CD81: variants seen among roughly 807,000 people sequenced by gnomAD.
The protein encoded by CD81 is CD81 antigen.
Under a neutral mutation model 30.1 loss-of-function variants are expected in CD81, and 10 were observed. That is an observed-to-expected ratio of 0.33 (90% confidence interval 0.21 to 0.56). The LOEUF (loss-of-function observed/expected upper bound fraction) is 0.56. Among genes scored for constraint, CD81 ranks in the 20% least tolerant of loss-of-function variants. The pLI, the probability that CD81 is intolerant of heterozygous loss-of-function variation, is 0.89. For missense variants in CD81, 263 were observed against 308.7 expected, an observed-to-expected ratio of 0.85 and a Z score of 1.11; for synonymous variants, 147 against 126.4, an observed-to-expected ratio of 1.16 and a Z score of -1.10.
At chr11:2,390,589 C>T in intron 2 of CD81, 63 bp downstream of exon 2, 1 of 1,174,234 alleles carries the variant, frequency 8.5e-7, no homozygotes, top group Middle Eastern at 1.9e-4. Flanking sequence ...CAGGTCCTAG[C>T]CTTTTGGATG....
At position 2,396,686 on chromosome 11, in the gene CD81, T is replaced by G. The variant is rs1203104251; in HGVS notation, c.620T>G (p.Ile207Ser). ...LFSGKLYLIG[I>S]AAIVVAVIMI... ...TCCGGGAAGCTGTACCTCATCGGCA[T>G]TGCTGCCATCGTGGTCGCTGTGATC... The change falls in exon 7 of 8, where the codon ATT becomes AGT. Residue 207 changes from isoleucine to serine, a missense_variant. By Grantham distance (142) the Ile-to-Ser change is moderately radical. Coordinates refer to ENST00000263645, the MANE Select transcript of CD81 (RefSeq NM_004356.4). 1 of 1,611,826 alleles carries G rather than the reference T, an allele frequency of 6.2e-7. No individual in the cohort carries two copies. Among genetic ancestry groups the G allele is most frequent in the Admixed American group, 1.7e-5 (1 of 60,012 alleles).
Position 2,378,711 on chromosome 11 carries a change from C to T in CD81, c.66+1096C>T, listed in dbSNP as rs956585530. On this transcript the variant is annotated intron_variant, in intron 1 of 7. Coordinates refer to ENST00000263645, the MANE Select transcript of CD81 (RefSeq NM_004356.4). This position sits in a 1 kb window ranked among gnomAD's most constrained non-coding sequence, Gnocchi z 4.9. ...CCTGGGCATAGACTGCAAGCCCCTC[C>T]CCGTGCCCCCCAGGCTGTCACCCCC... Among the ~76,000 whole-genome samples, 61 of 152,336 alleles carry T rather than the reference C, an allele frequency of 4.0e-4. No homozygotes were observed. Among genetic ancestry groups the T allele is most frequent in the African/African-American group, 1.3e-3 (55 of 41,582 alleles).
Position 2,397,024 on chromosome 11 carries a change from T to G in CD81, c.*158T>G. On this transcript the variant is annotated 3_prime_UTR_variant, in exon 8 of 8. Coordinates refer to ENST00000263645, the MANE Select transcript of CD81 (RefSeq NM_004356.4). ...GGGGTTTTGTTTTTGTTCTGAACTTTCCTGTTACCTTTTCAGGGCTGACGT... is the reference window on the plus strand; with the variant it reads ...GGGGTTTTGTTTTTGTTCTGAACTTGCCTGTTACCTTTTCAGGGCTGACGT... 1 of 730,664 alleles carries G rather than the reference T, an allele frequency of 1.4e-6. No individual in the cohort carries two copies. Among genetic ancestry groups the G allele is most frequent in the Non-Finnish European group, 2.4e-6 (1 of 425,058 alleles). The allele number at this position is 730,664 out of a possible 1,614,324, so 45.3% of individuals were successfully genotyped here.
At chr11:2,389,920 C>T (rs1374380006) in intron 1 of CD81, among the ~76,000 whole-genome samples, 6 of 152,132 alleles carry the variant, frequency 3.9e-5, no homozygotes, top group Non-Finnish European at 8.8e-5. Flanking sequence ...ACTCTTGGGG[C>T]GCTGCCACAC....
At position 2,396,891 on chromosome 11, in the gene CD81, A is replaced by G; in HGVS notation, c.*25A>G. On this transcript the variant is annotated 3_prime_UTR_variant, in exon 8 of 8. Coordinates refer to ENST00000263645, the MANE Select transcript of CD81 (RefSeq NM_004356.4). ...AGGCCCCGCAGCTCTGGCCACAGGG[A>G]CCTCTGCAGTGCCCCCTAAGTGACC... The G allele has an allele frequency of 1.2e-6, 2 of 1,609,778 alleles. No individual in the cohort carries two copies. Among genetic ancestry groups the G allele is most frequent in the Non-Finnish European group, 1.7e-6 (2 of 1,178,056 alleles).
intron 1 of CD81, among the ~76,000 whole-genome samples, chr11:2,388,362 G>A (rs1420917424): frequency 3.3e-5 from 5 of 150,302 alleles, no homozygotes; most frequent in Non-Finnish European, 4.4e-5. Context: ...CGGCCTGACC[G>A]GGGGGTCCTC....
At chr11:2,396,748 G>T in intron 7 of CD81, 34 bp downstream of exon 7, 1 of 1,611,620 alleles carries the variant, frequency 6.2e-7, no homozygotes, top group Non-Finnish European at 8.5e-7. Context: ...CTGCTCTCTG[G>T]GCTGCCCCTT....
intron 2 of CD81, 86 bp from the exon 3 acceptor site, chr11:2,394,009 G>T (rs763439204): frequency 2.0e-6 from 2 of 996,182 alleles, no homozygotes; most frequent in African/African-American, 1.6e-5. Context: ...TGGGCGGCCC[G>T]TGGTGGGTTC....
chr11:2,380,222 G>A (rs567352330), intron 1 of CD81, among the ~76,000 whole-genome samples: 69 of 152,302 alleles, frequency 4.5e-4, no homozygotes, highest in African/African-American at 1.6e-3. Flanking sequence ...GCAGGGTCCA[G>A]AAGGACACAG....
At chr11:2,395,237 C>T (rs71471697) in intron 4 of CD81, 179 bp from the exon 5 acceptor site, 1 of 729,992 alleles carries the variant, frequency 1.4e-6, no homozygotes. Flanking sequence ...AGGCCAGCCT[C>T]CCGTGTCCCA....
intron 1 of CD81, among the ~76,000 whole-genome samples, chr11:2,388,251 C>T (rs983899347): frequency 2.6e-5 from 4 of 152,186 alleles, no homozygotes; most frequent in Non-Finnish European, 4.4e-5. Flanking sequence ...GCTCAGGTCC[C>T]GGAGGAGGGG....
chr11:2,379,031 C>T (rs1239404692), intron 1 of CD81: 1 of 410,468 alleles, frequency 2.4e-6, no homozygotes, highest in Non-Finnish European at 5.0e-6. Flanking sequence ...TGGCCTTCGG[C>T]ACTGCCCTGG....
chr11:2,386,841 G>T (rs565370039), intron 1 of CD81, among the ~76,000 whole-genome samples: 1 of 152,218 alleles, frequency 6.6e-6, no homozygotes, highest in African/African-American at 2.4e-5. Context: ...GTCCTTCCTG[G>T]TGTTGGCCCA....
At position 2,385,621 on chromosome 11, in the gene CD81, G is replaced by A. The variant is rs139407653; in HGVS notation, c.67-4791G>A. The A allele has an allele frequency of 1.3e-3, 73 of 58,224 alleles. 2 individuals are homozygous for A. The highest frequency in any genetic ancestry group is 2.5e-3 in the Non-Finnish European group (46 of 18,466). The allele number at this position is 58,224 out of a possible 1,614,324, so 3.6% of individuals were successfully genotyped here. On this transcript the variant is annotated intron_variant, in intron 1 of 7. Coordinates refer to ENST00000263645, the MANE Select transcript of CD81 (RefSeq NM_004356.4). ...GCATGCCTGTCTGTGCACCCGTGCTGTGGCGTGCCCGTCGTCTGTGCACCC... is the reference window on the plus strand; with the variant it reads ...GCATGCCTGTCTGTGCACCCGTGCTATGGCGTGCCCGTCGTCTGTGCACCC...
intron 5 of CD81, 121 bp downstream of exon 5, chr11:2,395,641 C>T (rs1016213940): frequency 4.7e-6 from 4 of 844,544 alleles, no homozygotes; most frequent in Non-Finnish European, 7.8e-6. Context: ...CTTGGGACCT[C>T]CAGGACCCCT....
chr11:2,390,624 C>T (rs111509625), intron 2 of CD81, 98 bp downstream of exon 2: 36 of 866,780 alleles, frequency 4.2e-5, no homozygotes, highest in African/African-American at 3.0e-4. Context: ...GAAAGACAGT[C>T]GGGCATGGCG....
At chr11:2,396,736 G>A (rs1850015460) in intron 7 of CD81, 22 bp downstream of exon 7, 1 of 1,611,604 alleles carries the variant, frequency 6.2e-7, no homozygotes, top group East Asian at 2.2e-5. Context: ...GGGGCGGAGG[G>A]CCTGCTCTCT....
At chr11:2,382,718 G>C (rs574516458) in intron 1 of CD81, among the ~76,000 whole-genome samples, 7 of 152,210 alleles carry the variant, frequency 4.6e-5, no homozygotes, top group Non-Finnish European at 8.8e-5. Context: ...TATCCGCTGC[G>C]GTGCAGAACT....
At chr11:2,396,049 C>G in intron 6 of CD81, 79 bp downstream of exon 6, 1 of 929,048 alleles carries the variant, frequency 1.1e-6, no homozygotes, top group Non-Finnish European at 1.7e-6. Flanking sequence ...GGGCAGGTCA[C>G]ACGGCAGCCC....
Sources: allele counts gnomAD v4.1 joint callset (sites outside exome capture counted in the v4.1 genomes callset), GRCh38; gene constraint gnomAD v4.1.1; non-coding constraint Gnocchi (gnomAD v3.1); transcripts MANE v1.5; gene names NCBI Gene and HGNC (gene_info 2026-07-23, HGNC 2026-07-21).